NBPF8: variants seen among roughly 807,000 people sequenced by gnomAD.
NBPF8 encodes the protein NBPF member 8.
exon 25 of NBPF8, chr1:120,467,566 T>A (rs1570948623): frequency 7.8e-6 from 1 of 127,566 alleles, no homozygotes; most frequent in Non-Finnish European, 1.6e-5. Flanking sequence ...TCCCTGCCTG[T>A]GTCTATTATT....
upstream of NBPF8, among the ~76,000 whole-genome samples, chr1:120,436,148 T>C (rs1183759566): frequency 1.3e-5 from 2 of 149,708 alleles, no homozygotes; most frequent in Non-Finnish European, 3.0e-5. Flanking sequence ...TGCCTGTGTT[T>C]CAGCAAAGCC....
intron 1 of NBPF8, among the ~76,000 whole-genome samples, chr1:120,420,861 C>G (rs1223263266): frequency 3.4e-5 from 5 of 148,102 alleles, no homozygotes; most frequent in African/African-American, 1.3e-4. Context: ...CCCCATGGAA[C>G]CCACCACTGC....
upstream of NBPF8, chr1:120,433,468 C>T (rs1337717902): frequency 2.6e-5 from 4 of 152,716 alleles, no homozygotes; most frequent in Admixed American, 6.5e-5. Flanking sequence ...GTTTTCCAGC[C>T]ACACACAGGA....
chr1:120,415,442 C>T (rs1660405725), upstream of NBPF8, among the ~76,000 whole-genome samples: 1 of 152,124 alleles, frequency 6.6e-6, no homozygotes, highest in African/African-American at 2.4e-5. Context: ...AAGTTCCATG[C>T]GTTCGATTCC....
upstream of NBPF8, among the ~76,000 whole-genome samples, chr1:120,415,944 A>T (rs1381845985): frequency 6.6e-6 from 1 of 152,130 alleles, no homozygotes; most frequent in Non-Finnish European, 1.5e-5. Context: ...GTTAACCAAG[A>T]CGTTTGGCGT....
At chr1:120,430,566 A>C (rs1351865642) in intron 3 of NBPF8, among the ~76,000 whole-genome samples, 1 of 133,578 alleles carries the variant, frequency 7.5e-6, no homozygotes, top group African/African-American at 3.1e-5. Context: ...CATCATGCCT[A>C]ACACAGTGAA....
chr1:120,423,025 A>G (rs1376302163), intron 1 of NBPF8, among the ~76,000 whole-genome samples: 3 of 108,044 alleles, frequency 2.8e-5, no homozygotes, highest in South Asian at 5.4e-4. Flanking sequence ...TTTGGACAGC[A>G]GTTTTTCCAT....
intron 2 of NBPF8, among the ~76,000 whole-genome samples, chr1:120,426,327 ATCT>A (rs1387753478): frequency 1.3e-5 from 2 of 150,984 alleles, no homozygotes; most frequent in African/African-American, 4.9e-5. Flanking sequence ...CTCTGACTTC[ATCT>A]TCTCCAACCA....
chr1:120,436,059 T>C (rs1179445342), upstream of NBPF8, among the ~76,000 whole-genome samples: 5 of 152,070 alleles, frequency 3.3e-5, no homozygotes, highest in Admixed American at 6.5e-5. Flanking sequence ...TGTGGCATTG[T>C]CACAAGGGTA....
At chr1:120,434,647 C>G (rs1190827448), upstream of NBPF8, among the ~76,000 whole-genome samples, 8 of 151,370 alleles carry the variant, frequency 5.3e-5, no homozygotes, top group Non-Finnish European at 7.4e-5. Context: ...CACCAATGCC[C>G]TTCATTGGGG....
intron 1 of NBPF8, 32 bp downstream of exon 4, chr1:120,436,729 G>A (rs1661095027): frequency 4.9e-6 from 5 of 1,027,486 alleles, no homozygotes; most frequent in Non-Finnish European, 7.5e-6. Flanking sequence ...TCATGAAAGT[G>A]ATGAATGATG....
chr1:120,425,464 G>T (rs1434001286), intron 1 of NBPF8, among the ~76,000 whole-genome samples: 55 of 152,138 alleles, frequency 3.6e-4, no homozygotes, highest in African/African-American at 1.3e-3. Flanking sequence ...TTGTTAACGT[G>T]TTTACCTGCT....
chr1:120,435,887 C>T (rs2101613420), upstream of NBPF8, among the ~76,000 whole-genome samples: 1 of 150,000 alleles, frequency 6.7e-6, no homozygotes, highest in East Asian at 1.9e-4. Context: ...AAAGTCAAAA[C>T]AAGAGAACAT....
At chr1:120,466,326 T>G (rs1661750230) in exon 25 of NBPF8, 4 of 1,484,798 alleles carry the variant, frequency 2.7e-6, no homozygotes, top group Non-Finnish European at 3.7e-6. Context: ...AGACATAGGA[T>G]GGGTCAGTGG....
intron 1 of NBPF8, among the ~76,000 whole-genome samples, chr1:120,425,577 G>A (rs1660701117): frequency 6.6e-6 from 1 of 152,204 alleles, no homozygotes; most frequent in Non-Finnish European, 1.5e-5. Flanking sequence ...GCCAGTGCCA[G>A]CATGGGTCCT....
upstream of NBPF8, among the ~76,000 whole-genome samples, chr1:120,419,573 C>T (rs1181300302): frequency 1.3e-5 from 2 of 152,192 alleles, no homozygotes; most frequent in South Asian, 2.1e-4. Flanking sequence ...ATCCTCCTGC[C>T]TCAACCTTCA....
chr1:120,431,490 C>G (rs1660878501), upstream of NBPF8, among the ~76,000 whole-genome samples: 2 of 149,132 alleles, frequency 1.3e-5, no homozygotes, highest in African/African-American at 4.9e-5. Context: ...TTAGATACTT[C>G]AGAAAAGAAG....
Position 120,451,326 on chromosome 1 carries a change from T to C in NBPF8, n.2074+44T>C. ...GGCAGGCAGGGGGCAGGTGTGTAAA[T>C]CTCTGAAGTACAGCAGCTCGGTGGG... On this transcript the variant is annotated intron_variant and non_coding_transcript_variant, in intron 12 of 24. Transcript: ENST00000583271. The C allele has an allele frequency of 7.2e-6, 2 of 278,310 alleles. 1 individual carries two copies. Among genetic ancestry groups the C allele is most frequent in the Non-Finnish European group, 1.1e-5 (2 of 175,480 alleles). The allele number at this position is 278,310 out of a possible 1,614,324, so 17.2% of individuals were successfully genotyped here.
chr1:120,428,986 C>A (rs1273329695), intron 3 of NBPF8, among the ~76,000 whole-genome samples: 4 of 147,654 alleles, frequency 2.7e-5, no homozygotes, highest in Admixed American at 1.3e-4. Flanking sequence ...CTAGTATTCT[C>A]CTTTTGTTTC....
Sources: allele counts gnomAD v4.1 joint callset (sites outside exome capture counted in the v4.1 genomes callset), GRCh38; gene constraint gnomAD v4.1.1; transcripts MANE v1.5; gene names NCBI Gene and HGNC (gene_info 2026-07-23, HGNC 2026-07-21).